ASXL3: variants seen among roughly 807,000 people sequenced by gnomAD.
The protein encoded by ASXL3 is ASXL transcriptional regulator 3, also known as putative Polycomb group protein ASXL3.
In ASXL3, 34 loss-of-function variants were observed where a neutral mutation model predicts 170.6. That is an observed-to-expected ratio of 0.20 (90% CI 0.15 to 0.27). The LOEUF is 0.27. Ranked by LOEUF, ASXL3 falls within the 10% of genes least tolerant of loss-of-function variation. The pLI, the probability that ASXL3 is intolerant of heterozygous loss-of-function variation, is 1.00. For synonymous variants in ASXL3, 1,002 were observed against 989.1 expected (o/e 1.01, Z -0.24); for missense variants, 2,592 against 2,695.3 (o/e 0.96, Z 0.85).
intron 1 of ASXL3, among the ~76,000 whole-genome samples, chr18:33,589,221 A>T (rs992341712): frequency 2.0e-5 from 3 of 152,194 alleles, no homozygotes; most frequent in Admixed American, 2.0e-4. Context: ...AGGAATAATA[A>T]TATCTACCGT....
At chr18:33,640,637 G>A (rs1420167245) in intron 2 of ASXL3, among the ~76,000 whole-genome samples, 1 of 152,164 alleles carries the variant, frequency 6.6e-6, no homozygotes, top group Admixed American at 6.6e-5. Context: ...CACAGATACT[G>A]TATCAAGAAT....
rs779725727 is a variant in ASXL3, at chr18:33,743,086, G to A, written c.3238G>A (p.Ala1080Thr). ...TGCAGCTGCTGCTGTGGCTGCTGCA[G>A]CGAGCATTGTCTCTGGAGCCATGGG... ...AAAAAAVAAA[A>T]SIVSGAMGSP... The change falls in exon 12 of 12, where the codon GCG (alanine) becomes ACG (threonine). Residue 1080 changes from alanine (A) to threonine (T), a missense_variant. Physicochemically the swap from Ala to Thr is moderately conservative, Grantham distance 58. Coordinates refer to ENST00000269197, the MANE Select transcript of ASXL3 (RefSeq NM_030632.3). The A allele has an allele frequency of 2.5e-6, 4 of 1,613,492 alleles. No individual in the cohort carries two copies. The Admixed American group carries it at 6.7e-5, about 27-fold the overall frequency.
chr18:33,744,204 A>C lies in ASXL3; in HGVS notation c.4356A>C (p.Lys1452Asn). Residue 1452 changes from lysine (K) to asparagine (N), a missense_variant, in exon 12 of 12, where the codon AAA becomes AAC. Physicochemically the swap from Lys to Asn is moderately conservative, Grantham distance 94. Around this residue, in one of 4 missense-constraint regions of ASXL3, gnomAD observed 2,246 missense variants for 2,219.6 expected, o/e 1.01. Transcript: ENST00000269197. ...GPRNRADNSGKPQQPPGGFAP... is the reference protein window; with the variant it reads ...GPRNRADNSGNPQQPPGGFAP... Reference sequence around the variant, plus strand: ...GAAACAGGGCAGATAATTCTGGAAAACCTCAGCAACCACCAGGGGGCTTTG... The same window carrying C: ...GAAACAGGGCAGATAATTCTGGAAACCCTCAGCAACCACCAGGGGGCTTTG... 1 of 1,613,754 alleles carries C rather than the reference A, an allele frequency of 6.2e-7. No homozygotes were observed. Among genetic ancestry groups the C allele is most frequent in the East Asian group, 2.2e-5 (1 of 44,872 alleles).
intron 1 of ASXL3, among the ~76,000 whole-genome samples, chr18:33,586,733 C>A (rs2065038038): frequency 6.6e-6 from 1 of 152,180 alleles, no homozygotes; most frequent in Non-Finnish European, 1.5e-5. Context: ...CAGCCCTGAT[C>A]TTTCCCCTGA....
intron 1 of ASXL3, among the ~76,000 whole-genome samples, chr18:33,595,688 A>G (rs9958390): frequency 0.026 from 3,997 of 152,292 alleles, 197 homozygotes; most frequent in African/African-American, 0.091. Context: ...TCACATGCCT[A>G]CGAACATAGC....
At position 33,744,587 on chromosome 18, in the gene ASXL3, C is replaced by T; in HGVS notation, c.4739C>T (p.Ala1580Val). The part of the protein sequence containing the change: ...NEPTAPSHNF[A>V]EQARGPAPFK... ...CCGACTGCTCCCAGTCATAACTTTG[C>T]TGAGCAGGCACGTGGCCCAGCTCCT... The change falls in exon 12 of 12, where the codon GCT (alanine) becomes GTT (valine). Residue 1580 changes from alanine (A) to valine (V), a missense_variant. Ala to Val is a moderately conservative substitution (Grantham distance 64). Coordinates refer to ENST00000269197, the MANE Select transcript of ASXL3 (RefSeq NM_030632.3). 6.2e-7 allele frequency: 1 copy of T among 1,610,604 alleles called. No homozygotes were observed.
chr18:33,634,372 CT>C (rs2065734610), intron 2 of ASXL3, among the ~76,000 whole-genome samples: 1 of 149,090 alleles, frequency 6.7e-6, no homozygotes, highest in African/African-American at 2.5e-5. Context: ...GCTGAAGTTG[CT>C]TTGATTTCCT....
intron 1 of ASXL3, among the ~76,000 whole-genome samples, chr18:33,596,885 G>A (rs1201628376): frequency 6.6e-6 from 1 of 152,036 alleles, no homozygotes; most frequent in Admixed American, 6.6e-5. Flanking sequence ...GCATGATCTT[G>A]GCTCACTGCA....
At chr18:33,632,908 A>G (rs528861196) in intron 2 of ASXL3, among the ~76,000 whole-genome samples, 7 of 152,260 alleles carry the variant, frequency 4.6e-5, no homozygotes, top group African/African-American at 9.6e-5. Context: ...GCTCCTTGCC[A>G]TGGCATTTAA....
intron 8 of ASXL3, among the ~76,000 whole-genome samples, chr18:33,702,190 T>A (rs1053228554): frequency 1.3e-5 from 2 of 152,198 alleles, no homozygotes; most frequent in Non-Finnish European, 2.9e-5. Flanking sequence ...CCTTTTCTGT[T>A]AAATCCAACA....
chr18:33,664,960 T>A (rs1395954016), intron 5 of ASXL3, among the ~76,000 whole-genome samples: 1 of 152,250 alleles, frequency 6.6e-6, no homozygotes, highest in Non-Finnish European at 1.5e-5. Context: ...TGTCTTTTTT[T>A]TCTGCATAAG....
Position 33,740,041 on chromosome 18 carries a change from A to G in ASXL3, c.2637A>G (p.Ser879=). The G allele has an allele frequency of 6.2e-7, 1 of 1,613,900 alleles. No individual in the cohort carries two copies. The highest frequency in any genetic ancestry group is 8.5e-7 in the Non-Finnish European group (1 of 1,179,864). ...LQRTEKKVLP[S]PLELSVFSEG... ...GAACAGAAAAAAAAGTGTTACCTTC[A>G]CCATTGGAATTATCTGTCTTTTCTG... The change falls in exon 11 of 12, where the codon TCA becomes TCG. Residue 879 remains serine (S), a synonymous_variant. Coordinates refer to ENST00000269197, the MANE Select transcript of ASXL3 (RefSeq NM_030632.3).
In ASXL3 at chr18:33,578,476, GCCGCCGCCGCCGCCGCCGCCGCCA is replaced by G. The variant is rs2064963584; in HGVS notation, c.-150_-127del. 2 of 176,520 alleles carry G rather than the reference GCCGCCGCCGCCGCCGCCGCCGCCA, an allele frequency of 1.1e-5. No individual in the cohort carries two copies. Among genetic ancestry groups the G allele is most frequent in the Admixed American group, 8.3e-5 (1 of 11,990 alleles). The allele number at this position is 176,520 out of a possible 1,614,324, so 10.9% of individuals were successfully genotyped here. A position where few individuals can be genotyped will look rare whatever the true frequency, so the allele number is the denominator to read the frequency against. ...CCTCCCACCCGCCGCCGCCGCCGCC[GCCGCCGCCGCCGCCGCCGCCGCCA>G]CCGCCCGCGCGCCTCCCCCCGCGGA... On this transcript the variant is annotated 5_prime_UTR_variant, in exon 1 of 12. Coordinates refer to ENST00000269197, the MANE Select transcript of ASXL3 (RefSeq NM_030632.3).
intron 2 of ASXL3, among the ~76,000 whole-genome samples, chr18:33,626,416 C>T (rs12961600): frequency 6.6e-6 from 1 of 151,818 alleles, no homozygotes; most frequent in Non-Finnish European, 1.5e-5. Context: ...GGTAGTTAGA[C>T]TTATGAAAGT....
chr18:33,719,543 T>G (rs1328973742), intron 8 of ASXL3, among the ~76,000 whole-genome samples: 1 of 152,054 alleles, frequency 6.6e-6, no homozygotes, highest in Non-Finnish European at 1.5e-5. Context: ...AGGTATCATT[T>G]TAGGGAGTCA....
intron 4 of ASXL3, among the ~76,000 whole-genome samples, chr18:33,653,140 G>C (rs1008921486): frequency 2.0e-5 from 3 of 152,040 alleles, no homozygotes; most frequent in African/African-American, 7.2e-5. Context: ...AGGTTTTACA[G>C]TAACTTGCCT....
intron 7 of ASXL3, among the ~76,000 whole-genome samples, chr18:33,682,212 T>C (rs1599488004): frequency 6.6e-6 from 1 of 152,192 alleles, no homozygotes. Context: ...TATAAACAAT[T>C]GGACATGATG....
In ASXL3 at chr18:33,745,297, C is replaced by G. The variant is rs1377574390; in HGVS notation, c.5449C>G (p.Pro1817Ala). ...GKGYLAGTLA[P>A]LQMRKRENHP... Reference sequence around the variant, plus strand: ...GGGCTACTTGGCAGGGACTCTGGCACCACTCCAAATGAGAAAGCGAGAAAA... The same window carrying G: ...GGGCTACTTGGCAGGGACTCTGGCAGCACTCCAAATGAGAAAGCGAGAAAA... Residue 1817 changes from proline to alanine, a missense_variant, in exon 12 of 12, where the codon CCA becomes GCA. Around this residue, in one of 4 missense-constraint regions of ASXL3, gnomAD observed 2,246 missense variants for 2,219.6 expected, o/e 1.01. Coordinates refer to ENST00000269197, the MANE Select transcript of ASXL3 (RefSeq NM_030632.3). 3.1e-6 allele frequency: 5 copies of G among 1,613,792 alleles called. No homozygotes were observed. In the East Asian group the frequency reaches 1.1e-4, roughly 36 times the overall value.
intron 2 of ASXL3, among the ~76,000 whole-genome samples, chr18:33,619,469 A>G (rs534283653): frequency 1.3e-5 from 2 of 151,774 alleles, no homozygotes; most frequent in South Asian, 4.2e-4. Flanking sequence ...AAACATTTCC[A>G]CAACCCACTT....
Sources: allele counts gnomAD v4.1 joint callset (sites outside exome capture counted in the v4.1 genomes callset), GRCh38; gene constraint gnomAD v4.1.1; regional missense constraint gnomAD v4.1.1; transcripts MANE v1.5; gene names NCBI Gene and HGNC (gene_info 2026-07-23, HGNC 2026-07-21).